DNM3: variants seen among roughly 807,000 people sequenced by gnomAD.
DNM3 encodes the protein dynamin 3.
Under a neutral mutation model 101.6 loss-of-function variants are expected in DNM3, and 47 were observed. The observed-to-expected ratio is 0.46, with a 90% CI of 0.37 to 0.59. DNM3 has a LOEUF of 0.59. Among genes scored for constraint, DNM3 ranks in the 20% least tolerant of loss-of-function variants. The pLI is 0.00. For synonymous variants in DNM3, 385 were observed against 387.9 expected, an observed-to-expected ratio of 0.99 and a Z score of 0.09; for missense variants, 849 against 1,085.7, an observed-to-expected ratio of 0.78 and a Z score of 3.06.
At chr1:172,155,084 A>G (rs1325563373) in intron 14 of DNM3, among the ~76,000 whole-genome samples, 1 of 152,092 alleles carries the variant, frequency 6.6e-6, no homozygotes, top group Non-Finnish European at 1.5e-5. Flanking sequence ...ATCCTTATAC[A>G]GTTTAAATAT....
Position 172,081,814 on chromosome 1 carries a change from T to A in DNM3, c.1423-18T>A, listed in dbSNP as rs1200071433. 1 of 1,602,750 alleles carries A rather than the reference T, an allele frequency of 6.2e-7. No homozygotes were observed. Among genetic ancestry groups the A allele is most frequent in the East Asian group, 2.2e-5 (1 of 44,646 alleles). On this transcript the variant is annotated intron_variant, in intron 11 of 20. Transcript: ENST00000627582. ...TTTTAGATGGGTTTTCACTGAAGTGTTTCTCTTTGACTTATAGGTATTGCT... is the reference window on the plus strand; with the variant it reads ...TTTTAGATGGGTTTTCACTGAAGTGATTCTCTTTGACTTATAGGTATTGCT...
intron 2 of DNM3, among the ~76,000 whole-genome samples, chr1:171,944,339 GTATTTATT>G (rs60936293): frequency 0.063 from 9,268 of 146,984 alleles, 517 homozygotes; most frequent in African/African-American, 0.15. Context: ...TTTAAACAAT[GTATTTATT>G]TATTTATTTA....
chr1:172,332,630 T>C (rs1419582078), intron 17 of DNM3, among the ~76,000 whole-genome samples: 2 of 152,192 alleles, frequency 1.3e-5, no homozygotes, highest in East Asian at 3.9e-4. Flanking sequence ...TTCTCTTTGT[T>C]ATTCTCACTG....
rs149920859 is a variant in DNM3, at chr1:172,175,233, A to T, written c.1659+43945A>T. On this transcript the variant is annotated intron_variant, in intron 14 of 20. Coordinates refer to ENST00000627582, the MANE Select transcript of DNM3 (RefSeq NM_015569.5). ...TGGAAAAATAATGAAAAGCACACAC[A>T]CTGGCTCTGAATCAGTAATATCTTT... Among the ~76,000 whole-genome samples, 156 of 151,906 alleles carry T rather than the reference A, an allele frequency of 1.0e-3. 1 individual carries two copies. In the East Asian group the frequency reaches 0.025, roughly 25 times the overall value.
chr1:171,961,769 T>C (rs2043225941), intron 2 of DNM3, among the ~76,000 whole-genome samples: 1 of 152,046 alleles, frequency 6.6e-6, no homozygotes, highest in South Asian at 2.1e-4. Context: ...TACTCAGCCA[T>C]AAAAAGGAAT....
intron 1 of DNM3, among the ~76,000 whole-genome samples, chr1:171,890,716 G>C (rs2037193061): frequency 1.3e-5 from 2 of 152,270 alleles, no homozygotes; most frequent in African/African-American, 4.8e-5. Context: ...CTTCAATTCT[G>C]TGTGTATGGG....
intron 12 of DNM3, among the ~76,000 whole-genome samples, chr1:172,086,389 C>A (rs2053533894): frequency 6.6e-6 from 1 of 152,094 alleles, no homozygotes; most frequent in Non-Finnish European, 1.5e-5. Context: ...CATAATCTTT[C>A]TTGGATAATA....
chr1:172,082,459 T>C (rs556751933), intron 12 of DNM3, among the ~76,000 whole-genome samples: 2 of 152,174 alleles, frequency 1.3e-5, no homozygotes, highest in Non-Finnish European at 2.9e-5. Flanking sequence ...GGTTAGTTAC[T>C]CAGGATTGGC....
chr1:172,354,294 G>C (rs1277470880), intron 17 of DNM3, among the ~76,000 whole-genome samples: 1 of 152,064 alleles, frequency 6.6e-6, no homozygotes, highest in Non-Finnish European at 1.5e-5. Flanking sequence ...AGAATTTATT[G>C]GGAGAAAAGG....
At chr1:171,864,835 A>G (rs1237347607) in intron 1 of DNM3, 1 of 152,020 alleles carries the variant, frequency 6.6e-6, no homozygotes, top group African/African-American at 2.4e-5. Flanking sequence ...TTGCTTGCCA[A>G]AAATTTTCTA....
chr1:172,148,006 T>A (rs2057980186), intron 14 of DNM3, among the ~76,000 whole-genome samples: 1 of 152,100 alleles, frequency 6.6e-6, no homozygotes, highest in African/African-American at 2.4e-5. Context: ...ATTTTATTGA[T>A]GATAAAATTA....
chr1:172,079,647 C>T (rs2052972473), intron 11 of DNM3, among the ~76,000 whole-genome samples: 1 of 152,016 alleles, frequency 6.6e-6, no homozygotes. Context: ...ATTCTTTGTC[C>T]AATTTTGTTT....
chr1:172,267,915 C>T (rs188967402), intron 15 of DNM3, among the ~76,000 whole-genome samples: 5 of 152,026 alleles, frequency 3.3e-5, no homozygotes, highest in Admixed American at 6.6e-5. Context: ...GGTTTCACCA[C>T]GTTAGCCAGG....
At chr1:172,258,834 C>A (rs1188891116) in intron 15 of DNM3, among the ~76,000 whole-genome samples, 3 of 151,836 alleles carry the variant, frequency 2.0e-5, no homozygotes, top group Non-Finnish European at 2.9e-5. Flanking sequence ...TGAGATCCAT[C>A]ATTGTATTGT....
At chr1:172,363,911 G>A (rs1489901833) in intron 17 of DNM3, among the ~76,000 whole-genome samples, 1 of 151,850 alleles carries the variant, frequency 6.6e-6, no homozygotes, top group Non-Finnish European at 1.5e-5. Flanking sequence ...GCATGCCCCA[G>A]TACAACCAGG....
intron 15 of DNM3, among the ~76,000 whole-genome samples, chr1:172,304,852 A>G (rs1015073620): frequency 1.3e-5 from 2 of 152,212 alleles, no homozygotes; most frequent in African/African-American, 4.8e-5. Context: ...AAGACACAAC[A>G]TACCAGAATC....
intron 13 of DNM3, among the ~76,000 whole-genome samples, chr1:172,104,606 A>G (rs1042054308): frequency 3.9e-5 from 6 of 152,092 alleles, no homozygotes; most frequent in African/African-American, 1.4e-4. Flanking sequence ...TTTTTCTTAT[A>G]TAGAATTTAA....
Position 172,307,882 on chromosome 1 carries a change from G to T in DNM3, c.1770-846G>T, listed in dbSNP as rs57282950. The stretch of plus-strand genomic sequence containing the variant: ...CACCAGGGCCTGTCATAGGGTGGGG[G>T]CTGGGGGAGGGATAGCATGAGGAGA... On this transcript the variant is annotated intron_variant, in intron 15 of 20. Coordinates refer to ENST00000627582, the MANE Select transcript of DNM3 (RefSeq NM_015569.5). 6.7e-3 allele frequency among the ~76,000 whole-genome samples: 1,018 copies of T among 152,150 alleles called. 9 individuals are homozygous for T. The highest frequency in any genetic ancestry group is 0.023 in the African/African-American group (965 of 41,490).
At chr1:171,874,274 T>G (rs2035559258) in intron 1 of DNM3, among the ~76,000 whole-genome samples, 2 of 152,186 alleles carry the variant, frequency 1.3e-5, no homozygotes. Flanking sequence ...TGTGTAGATA[T>G]ACACATATGC....
Sources: gnomAD v4.1 joint callset for allele counts (sites outside exome capture counted in the v4.1 genomes callset) on GRCh38, gnomAD v4.1.1 for gene constraint, MANE v1.5 for transcripts, NCBI Gene and HGNC (gene_info 2026-07-23, HGNC 2026-07-21) for gene names.